Variants in INSL6 observed in about 807,000 individuals in gnomAD.
The protein encoded by INSL6 is insulin-like peptide INSL6.
INSL6 carries 16 observed loss-of-function variants against 9.4 expected under a neutral mutation model. The ratio of observed to expected loss-of-function variants is 1.70; its 90% CI spans 1.15 to 2.59. The LOEUF is 2.59. Among genes scored for constraint, INSL6 ranks in the 30% most tolerant of loss-of-function variants. INSL6 has a pLI of 0.00. For missense variants in INSL6, 391 were observed against 257.3 expected, an observed-to-expected ratio of 1.52 and a Z score of -3.56; for synonymous variants, 154 against 96.9, an observed-to-expected ratio of 1.59 and a Z score of -3.46.
At chr9:5,078,341 C>T in the INSL6 span, 1 of 1,611,998 alleles carries the variant, frequency 6.2e-7, no homozygotes, top group Non-Finnish European at 8.5e-7. Context: ...ATGTATGTGC[C>T]AAAAATATTC....
At position 5,176,681 on chromosome 9, in the gene INSL6, G is replaced by A. The variant is rs78761925; in HGVS notation, c.289+8633C>T. Among the ~76,000 whole-genome samples, 1,197 of 150,352 alleles carry A rather than the reference G, an allele frequency of 8.0e-3. 9 individuals are homozygous for A. The highest frequency in any genetic ancestry group is 0.014 in the Middle Eastern group (4 of 292). The stretch of plus-strand genomic sequence containing the variant: ...ATACCTAATGGAGATATTTAAATGC[G>A]TGCCCTTTAAGCCTGGGAACAAAAC... On this transcript the variant is annotated intron_variant, in intron 1 of 1. Coordinates refer to ENST00000381641, the MANE Select transcript of INSL6 (RefSeq NM_007179.3).
the INSL6 span, among the ~76,000 whole-genome samples, chr9:5,075,855 GA>G: frequency 1.3e-5 from 2 of 152,134 alleles, no homozygotes; most frequent in African/African-American, 4.8e-5. Context: ...AAAGTAAGTA[GA>G]AAAACTTATG....
chr9:5,058,285 T>G, the INSL6 span, among the ~76,000 whole-genome samples: 1 of 152,182 alleles, frequency 6.6e-6, no homozygotes, highest in African/African-American at 2.4e-5. Context: ...TTTAATTGAC[T>G]CGCAGTTCGG....
the INSL6 span, among the ~76,000 whole-genome samples, chr9:5,077,274 T>A: frequency 1.3e-5 from 2 of 150,720 alleles, no homozygotes; most frequent in Non-Finnish European, 3.0e-5. Flanking sequence ...CTGTTGTAAG[T>A]AAACTAAAAA....
chr9:5,120,586 T>C (rs999861518), downstream of INSL6, among the ~76,000 whole-genome samples: 2 of 152,190 alleles, frequency 1.3e-5, no homozygotes, highest in South Asian at 4.1e-4. Context: ...TGAAACAGGA[T>C]TTTGGACTCC....
At chr9:5,049,064 A>G in the INSL6 span, among the ~76,000 whole-genome samples, 3 of 152,292 alleles carry the variant, frequency 2.0e-5, no homozygotes, top group African/African-American at 7.2e-5. Flanking sequence ...TTCATTCTTT[A>G]GACAATATAT....
At chr9:5,103,869 C>T in the INSL6 span, among the ~76,000 whole-genome samples, 10 of 152,082 alleles carry the variant, frequency 6.6e-5, no homozygotes, top group Admixed American at 3.9e-4. Flanking sequence ...TTGAAACCAA[C>T]GAGAACAAAG....
the INSL6 span, among the ~76,000 whole-genome samples, chr9:5,021,682 G>T: frequency 6.6e-6 from 1 of 152,044 alleles, no homozygotes; most frequent in Non-Finnish European, 1.5e-5. Context: ...ACTGGAGTGC[G>T]GTGGAGTGCG....
downstream of INSL6, among the ~76,000 whole-genome samples, chr9:5,160,040 G>T (rs556222144): frequency 6.6e-6 from 1 of 152,090 alleles, no homozygotes; most frequent in African/African-American, 2.4e-5. Context: ...GCCAGGTGTG[G>T]TTGTGGGTGC....
At chr9:5,151,300 A>C (rs1466344975) in intron 2 of INSL6, among the ~76,000 whole-genome samples, 1 of 152,214 alleles carries the variant, frequency 6.6e-6, no homozygotes, top group South Asian at 2.1e-4. Flanking sequence ...TGAAAAAGAC[A>C]CTGCAGGAAA....
At chr9:5,065,581 A>T in the INSL6 span, among the ~76,000 whole-genome samples, 1 of 152,222 alleles carries the variant, frequency 6.6e-6, no homozygotes, top group African/African-American at 2.4e-5. Flanking sequence ...AATGCAACCG[A>T]GGAACTGAAT....
the INSL6 span, among the ~76,000 whole-genome samples, chr9:5,005,175 C>G: frequency 7.2e-6 from 1 of 138,904 alleles, no homozygotes; most frequent in Non-Finnish European, 1.5e-5. Context: ...GTCTTGAACT[C>G]CTGGTCTCAA....
chr9:5,110,785 C>CG, the INSL6 span: 2 of 402,670 alleles, frequency 5.0e-6, no homozygotes, highest in South Asian at 4.0e-5. Flanking sequence ...GGTAAGGGCC[C>CG]GGGCCACGCG....
chr9:5,152,732 A>C (rs1824735068), intron 2 of INSL6, among the ~76,000 whole-genome samples: 1 of 152,238 alleles, frequency 6.6e-6, no homozygotes, highest in Non-Finnish European at 1.5e-5. Context: ...AAAGGTGATG[A>C]TCTGAAAAGA....
At chr9:5,033,150 T>C in the INSL6 span, among the ~76,000 whole-genome samples, 2 of 151,974 alleles carry the variant, frequency 1.3e-5, no homozygotes, top group African/African-American at 4.8e-5. Flanking sequence ...GTATCAGAGA[T>C]GGAAGATGAA....
the INSL6 span, chr9:5,050,976 C>T: frequency 1.3e-6 from 1 of 763,680 alleles, no homozygotes; most frequent in Non-Finnish European, 2.1e-6. Flanking sequence ...ATCAGAAATG[C>T]TTCAGATTTT....
chr9:5,162,267 G>A (rs930027779), downstream of INSL6, among the ~76,000 whole-genome samples: 3 of 151,796 alleles, frequency 2.0e-5, no homozygotes, highest in Non-Finnish European at 4.4e-5. Context: ...GTCTATAAAT[G>A]TGACTATTCT....
At chr9:5,126,603 G>A in intron 3 of INSL6, 2 of 1,029,916 alleles carry the variant, frequency 1.9e-6, no homozygotes, top group South Asian at 1.5e-5. Context: ...CATGTGCCCT[G>A]TATTGAAAAT....
chr9:5,071,440 G>A, the INSL6 span, among the ~76,000 whole-genome samples: 2 of 151,972 alleles, frequency 1.3e-5, no homozygotes, highest in African/African-American at 4.8e-5. Context: ...TGAAACCACG[G>A]AGAAATAACA....
Sources: allele counts gnomAD v4.1 joint callset (sites outside exome capture counted in the v4.1 genomes callset), GRCh38; gene constraint gnomAD v4.1.1; transcripts MANE v1.5; gene names NCBI Gene and HGNC (gene_info 2026-07-23, HGNC 2026-07-21).